METTL25: variants seen among roughly 807,000 people sequenced by gnomAD.
The protein encoded by METTL25 is probable methyltransferase-like protein 25.
Under a neutral mutation model 71.6 loss-of-function variants are expected in METTL25, and 64 were observed. The ratio of observed to expected loss-of-function variants is 0.89; its 90% CI spans 0.73 to 1.10. METTL25 has a LOEUF of 1.10. METTL25 is among the 50% of genes least tolerant of loss of function. The pLI is 0.00. For synonymous variants in METTL25, 287 were observed against 250.3 expected (o/e 1.15, Z -1.38); for missense variants, 807 against 707.0 (o/e 1.14, Z -1.60).
chr12:82,471,629 A>T (rs1258765747), intron 9 of METTL25, among the ~76,000 whole-genome samples: 1 of 152,230 alleles, frequency 6.6e-6, no homozygotes, highest in Admixed American at 6.5e-5. Flanking sequence ...AATCTTTTTC[A>T]TCTATTAGAT....
chr12:82,370,590 G>A (rs745928077), intron 1 of METTL25, among the ~76,000 whole-genome samples: 1 of 152,174 alleles, frequency 6.6e-6, no homozygotes, highest in Non-Finnish European at 1.5e-5. Flanking sequence ...AGTCACTGCT[G>A]CCAAAGAGTC....
At position 82,403,146 on chromosome 12, in the gene METTL25, G is replaced by A; in HGVS notation, c.1279+16G>A. ...CAGCATAAAGGTACAAGTTCCCCAT[G>A]TGTCATAATTTTTATTCATTTGAGC... On this transcript the variant is annotated intron_variant, in intron 5 of 11. Transcript: ENST00000248306. 6.3e-7 allele frequency: 1 copy of A among 1,596,464 alleles called. No homozygotes were observed. The highest frequency in any genetic ancestry group is 8.5e-7 in the Non-Finnish European group (1 of 1,173,874).
chr12:82,364,032 A>T (rs1255703250), intron 1 of METTL25, among the ~76,000 whole-genome samples: 1 of 152,242 alleles, frequency 6.6e-6, no homozygotes, highest in Non-Finnish European at 1.5e-5. Context: ...TGAAAAGTAC[A>T]CACTTACCGA....
chr12:82,397,653 T>A (rs1345303040), intron 3 of METTL25, among the ~76,000 whole-genome samples: 1 of 152,032 alleles, frequency 6.6e-6, no homozygotes, highest in Non-Finnish European at 1.5e-5. Context: ...TTCTTTTTTT[T>A]ATATCAACAT....
At chr12:82,452,055 A>AGC (rs1891184108) in intron 8 of METTL25, among the ~76,000 whole-genome samples, 1 of 152,136 alleles carries the variant, frequency 6.6e-6, no homozygotes, top group Admixed American at 6.5e-5. Flanking sequence ...TTACATTAAT[A>AGC]CTTCTACATG....
At chr12:82,394,068 T>C (rs1885865612) in intron 3 of METTL25, among the ~76,000 whole-genome samples, 1 of 152,088 alleles carries the variant, frequency 6.6e-6, no homozygotes, top group Admixed American at 6.6e-5. Context: ...CTCTTGTTAT[T>C]GATATTTGAC....
intron 9 of METTL25, among the ~76,000 whole-genome samples, chr12:82,457,453 G>A (rs967964209): frequency 6.6e-5 from 10 of 151,868 alleles, no homozygotes; most frequent in African/African-American, 2.4e-4. Flanking sequence ...GTGGTCAAAG[G>A]AATGAAATAG....
chr12:82,391,518 C>A lies in METTL25; in HGVS notation c.531+1596C>A, dbSNP rs550298468. ...TATAAATGAACTTATGTTAATTGTA[C>A]AGTGTGATGTTTTGTTAGTATATGT... On this transcript the variant is annotated intron_variant, in intron 3 of 11. Transcript: ENST00000248306. Among the ~76,000 whole-genome samples the A allele has an allele frequency of 3.1e-3, 442 of 143,146 alleles. 1 individual carries two copies. Among genetic ancestry groups the A allele is most frequent in the African/African-American group, 0.011 (427 of 38,046 alleles). The allele number at this position is 143,146 out of a possible 152,430, so 93.9% of individuals were successfully genotyped here.
At chr12:82,378,633 A>G (rs1483879150) in intron 1 of METTL25, among the ~76,000 whole-genome samples, 1 of 152,192 alleles carries the variant, frequency 6.6e-6, no homozygotes, top group African/African-American at 2.4e-5. Context: ...GAGGGATATA[A>G]CTTAATTCTA....
intron 8 of METTL25, among the ~76,000 whole-genome samples, chr12:82,450,495 G>GTC (rs941468802): frequency 1.2e-4 from 18 of 151,890 alleles, no homozygotes; most frequent in South Asian, 8.3e-4. Flanking sequence ...TTCCTAGTTG[G>GTC]TCTCTCTCTT....
intron 2 of METTL25, among the ~76,000 whole-genome samples, chr12:82,387,734 C>CA (rs1885185512): frequency 6.6e-6 from 1 of 152,030 alleles, no homozygotes; most frequent in African/African-American, 2.4e-5. Context: ...CACACACACT[C>CA]TTTTTCTGAA....
At chr12:82,443,192 A>T (rs895794091) in intron 8 of METTL25, among the ~76,000 whole-genome samples, 3 of 152,144 alleles carry the variant, frequency 2.0e-5, no homozygotes, top group Non-Finnish European at 4.4e-5. Context: ...TGGGAAGTAC[A>T]CAAATCTTAT....
intron 5 of METTL25, among the ~76,000 whole-genome samples, chr12:82,412,380 G>A (rs549591179): frequency 1.3e-5 from 2 of 152,118 alleles, no homozygotes; most frequent in East Asian, 3.9e-4. Context: ...AATGTTTAAT[G>A]GTTGGCTCTG....
intron 4 of METTL25, among the ~76,000 whole-genome samples, 156 bp from the exon 5 acceptor site, chr12:82,402,827 A>T (rs575373685): frequency 6.6e-6 from 1 of 152,290 alleles, no homozygotes; most frequent in African/African-American, 2.4e-5. Context: ...TGAGGCCAGT[A>T]ATTTGAGTCA....
chr12:82,423,745 T>G (rs1888730737), intron 5 of METTL25, among the ~76,000 whole-genome samples: 1 of 152,050 alleles, frequency 6.6e-6, no homozygotes, highest in South Asian at 2.1e-4. Context: ...AACAGACACT[T>G]CTCAAAAGAC....
chr12:82,440,919 T>C (rs527962300), intron 8 of METTL25, among the ~76,000 whole-genome samples: 2 of 152,148 alleles, frequency 1.3e-5, no homozygotes, highest in African/African-American at 4.8e-5. Context: ...ACCCAGCTTT[T>C]ATGGCTGCAC....
rs181984680 is a variant in METTL25, at chr12:82,450,438, C to T, written c.1479-6289C>T. Among the ~76,000 whole-genome samples, 66 of 152,246 alleles carry T rather than the reference C, an allele frequency of 4.3e-4. No individual in the cohort carries two copies. In the South Asian group the frequency reaches 5.6e-3, roughly 13 times the overall value. ...CTTTTCACCGTCCTCAGGACCATCA[C>T]TCTGGTCCAAGCCATCATCATCTTT... On this transcript the variant is annotated intron_variant, in intron 8 of 11. Coordinates refer to ENST00000248306, the MANE Select transcript of METTL25 (RefSeq NM_032230.3).
chr12:82,441,693 G>A (rs1462016952), intron 8 of METTL25, among the ~76,000 whole-genome samples: 1 of 149,308 alleles, frequency 6.7e-6, no homozygotes, highest in South Asian at 2.1e-4. Context: ...CCACCAATAG[G>A]CACAGAAAAA....
At chr12:82,399,534 A>G (rs1886398115) in intron 4 of METTL25, 140 bp downstream of exon 4, 1 of 701,054 alleles carries the variant, frequency 1.4e-6, no homozygotes, top group Non-Finnish European at 2.3e-6. Flanking sequence ...GTAGGCTTTC[A>G]TTATTCCCAC....
Sources: gnomAD v4.1 joint callset for allele counts (sites outside exome capture counted in the v4.1 genomes callset) on GRCh38, gnomAD v4.1.1 for gene constraint, MANE v1.5 for transcripts, NCBI Gene and HGNC (gene_info 2026-07-23, HGNC 2026-07-21) for gene names.